The following CACNA2D1 variants were observed in gnomAD, a reference collection of about 807,000 sequenced individuals.
The protein encoded by CACNA2D1 is calcium voltage-gated channel auxiliary subunit alpha2delta 1.
A neutral mutation model predicts 171.5 loss-of-function variants in CACNA2D1; 53 were observed. The observed-to-expected ratio is 0.31, with a 90% confidence interval of 0.25 to 0.39. CACNA2D1 has a LOEUF of 0.39. Ranked by LOEUF, CACNA2D1 falls within the 10% of genes least tolerant of loss-of-function variation. The probability of loss-of-function intolerance (pLI) is 1.00; values close to 1 mark genes in which losing one functional copy is unlikely to be tolerated. For synonymous variants in CACNA2D1, 442 were observed against 443.1 expected, an observed-to-expected ratio of 1.00 and a Z score of 0.03; for missense variants, 903 against 1,299.8, an observed-to-expected ratio of 0.69 and a Z score of 4.69.
chr7:82,380,189 TTC>T (rs2129449219), intron 1 of CACNA2D1, among the ~76,000 whole-genome samples: 1 of 152,306 alleles, frequency 6.6e-6, no homozygotes, highest in African/African-American at 2.4e-5. Flanking sequence ...ATCTCAAATT[TTC>T]TCACCTCCAA....
intron 3 of CACNA2D1, among the ~76,000 whole-genome samples, chr7:82,260,067 C>T (rs370410050): frequency 2.1e-4 from 32 of 152,110 alleles, no homozygotes; most frequent in African/African-American, 6.5e-4. Flanking sequence ...ACTAAAAATA[C>T]ACAAATTAGC....
intron 2 of CACNA2D1, among the ~76,000 whole-genome samples, chr7:82,348,682 C>T (rs1014846914): frequency 1.3e-5 from 2 of 152,102 alleles, no homozygotes; most frequent in African/African-American, 4.8e-5. Context: ...AAAGTAACCA[C>T]ACATTCCAGT....
intron 3 of CACNA2D1, among the ~76,000 whole-genome samples, chr7:82,190,799 T>A (rs534770599): frequency 6.6e-6 from 1 of 151,812 alleles, no homozygotes; most frequent in East Asian, 1.9e-4. Context: ...TCATTGGATC[T>A]ATCCCTATCA....
Position 82,318,925 on chromosome 7 carries a change from G to T in CACNA2D1, c.294+16210C>A, listed in dbSNP as rs112249787. 7.1e-3 allele frequency among the ~76,000 whole-genome samples: 1,074 copies of T among 152,256 alleles called. 15 individuals are homozygous for T. Among genetic ancestry groups the T allele is most frequent in the African/African-American group, 0.025 (1,037 of 41,562 alleles). On this transcript the variant is annotated intron_variant, in intron 3 of 38. Coordinates refer to ENST00000356860, the MANE Select transcript of CACNA2D1 (RefSeq NM_000722.4). The stretch of plus-strand genomic sequence containing the variant: ...GGAAGAGGAGAAGTCAGAGAAAAGA[G>T]AATTAAATGGAAAAATCTGTGTAAA...
chr7:81,978,752 T>TGTGC (rs200786567), intron 24 of CACNA2D1, among the ~76,000 whole-genome samples: 3 of 74,112 alleles, frequency 4.0e-5, no homozygotes, highest in African/African-American at 1.7e-4. Context: ...TTTTAAAAAG[T>TGTGC]GTATATATAT....
rs145112618 is a variant in CACNA2D1 at position 82,141,563 on chromosome 7, CA to C, written c.355-4888del. On this transcript the variant is annotated intron_variant, in intron 4 of 38. Coordinates refer to ENST00000356860, the MANE Select transcript of CACNA2D1 (RefSeq NM_000722.4). The stretch of plus-strand genomic sequence containing the variant: ...ACCACTCATTCAACAATTATTTTGG[CA>C]ACCTTCTCCGTGCTACGTATTGGAG... 7.4e-3 allele frequency among the ~76,000 whole-genome samples: 1,120 copies of C among 152,220 alleles called. 11 individuals carry two copies. The highest frequency in any genetic ancestry group is 0.026 in the African/African-American group (1,069 of 41,560).
At chr7:82,232,161 A>G (rs895100684) in intron 3 of CACNA2D1, among the ~76,000 whole-genome samples, 4 of 152,162 alleles carry the variant, frequency 2.6e-5, no homozygotes, top group Non-Finnish European at 4.4e-5. Flanking sequence ...TTTAAAACAA[A>G]TTTACTTTCC....
At chr7:82,075,129 T>G (rs114436585) in intron 7 of CACNA2D1, among the ~76,000 whole-genome samples, 154 of 152,052 alleles carry the variant, frequency 1.0e-3, no homozygotes, top group African/African-American at 3.5e-3. Context: ...TTTCTCTATT[T>G]CCAGAAGTTT....
chr7:82,239,517 T>C (rs1035094562), intron 3 of CACNA2D1, among the ~76,000 whole-genome samples: 2 of 152,208 alleles, frequency 1.3e-5, no homozygotes, highest in African/African-American at 4.8e-5. Context: ...AATTGTGCTA[T>C]TTAAATGTAT....
chr7:82,268,107 C>T (rs147828190), intron 3 of CACNA2D1, among the ~76,000 whole-genome samples: 2,869 of 152,222 alleles, frequency 0.019, 45 homozygotes, highest in Non-Finnish European at 0.027. Context: ...AATTAAGTTA[C>T]TTAAATATTT....
At chr7:82,352,167 C>T (rs777300386) in intron 1 of CACNA2D1, among the ~76,000 whole-genome samples, 9 of 152,134 alleles carry the variant, frequency 5.9e-5, no homozygotes, top group Non-Finnish European at 1.3e-4. Context: ...GTTAGGAACA[C>T]TTTATAGGAG....
chr7:82,362,708 C>T (rs1821208557), intron 1 of CACNA2D1, among the ~76,000 whole-genome samples: 2 of 152,200 alleles, frequency 1.3e-5, no homozygotes, highest in South Asian at 4.1e-4. Flanking sequence ...TTTGTATCAC[C>T]GTTGGACATC....
intron 3 of CACNA2D1, among the ~76,000 whole-genome samples, chr7:82,272,274 T>G (rs1808734148): frequency 6.6e-6 from 1 of 152,166 alleles, no homozygotes; most frequent in African/African-American, 2.4e-5. Flanking sequence ...GTACTATAGG[T>G]AGTCCAGTGG....
At chr7:82,168,641 T>G (rs930193371) in intron 4 of CACNA2D1, among the ~76,000 whole-genome samples, 4 of 149,292 alleles carry the variant, frequency 2.7e-5, no homozygotes, top group Non-Finnish European at 4.4e-5. Flanking sequence ...AGCCCAATAT[T>G]AAAGAGTTCA....
chr7:82,295,641 C>G (rs1225904007), intron 3 of CACNA2D1, among the ~76,000 whole-genome samples: 1 of 151,846 alleles, frequency 6.6e-6, no homozygotes, highest in East Asian at 1.9e-4. Flanking sequence ...CTCAGCCTCC[C>G]AAAGTGTTGA....
intron 2 of CACNA2D1, among the ~76,000 whole-genome samples, chr7:82,341,526 C>T (rs539659521): frequency 2.0e-5 from 3 of 152,282 alleles, no homozygotes; most frequent in Non-Finnish European, 4.4e-5. Context: ...TCTCTTCAAC[C>T]TCTTCCTTCC....
intron 19 of CACNA2D1, among the ~76,000 whole-genome samples, chr7:81,996,488 C>T (rs918007910): frequency 6.6e-6 from 1 of 151,770 alleles, no homozygotes. Flanking sequence ...AATGCAAGAG[C>T]CAAGTTCTGC....
chr7:81,986,437 G>A (rs1187134278), intron 21 of CACNA2D1, among the ~76,000 whole-genome samples: 1 of 151,658 alleles, frequency 6.6e-6, no homozygotes, highest in Non-Finnish European at 1.5e-5. Flanking sequence ...TAAGCCTCAC[G>A]TAGCCCCAGT....
intron 3 of CACNA2D1, among the ~76,000 whole-genome samples, chr7:82,186,230 A>AGG (rs1797736900): frequency 9.2e-6 from 1 of 108,444 alleles, no homozygotes; most frequent in African/African-American, 3.6e-5. Flanking sequence ...AGAGAGAGAG[A>AGG]GAAGGAAGGA....
Sources: allele counts gnomAD v4.1 joint callset (sites outside exome capture counted in the v4.1 genomes callset), GRCh38; gene constraint gnomAD v4.1.1; transcripts MANE v1.5; gene names NCBI Gene and HGNC (gene_info 2026-07-23, HGNC 2026-07-21).